INO80D: variants seen among roughly 807,000 people sequenced by gnomAD.
INO80D encodes the protein INO80 complex subunit D.
In INO80D, 21 loss-of-function variants were observed where a neutral mutation model predicts 87.6. The observed-to-expected ratio is 0.24, with a 90% CI of 0.17 to 0.35. The LOEUF is 0.35. INO80D is among the 10% of genes least tolerant of loss of function. The probability of loss-of-function intolerance (pLI) is 1.00; values close to 1 mark genes in which losing one functional copy is unlikely to be tolerated. For synonymous variants in INO80D, 440 were observed against 491.0 expected, an observed-to-expected ratio of 0.90 and a Z score of 1.37; for missense variants, 982 against 1,280.7, an observed-to-expected ratio of 0.77 and a Z score of 3.56.
chr2:206,067,382 C>A (rs904633346), intron 1 of INO80D, among the ~76,000 whole-genome samples: 5 of 151,880 alleles, frequency 3.3e-5, no homozygotes, highest in African/African-American at 4.8e-5. Context: ...GAGGAATAAG[C>A]CCTAGTGTTC....
At chr2:206,026,223 T>G (rs1688612134) in intron 6 of INO80D, among the ~76,000 whole-genome samples, 1 of 152,008 alleles carries the variant, frequency 6.6e-6, no homozygotes, top group Admixed American at 6.6e-5. Context: ...TAAAATTCAA[T>G]TTAGTGCTTT....
intron 1 of INO80D, among the ~76,000 whole-genome samples, chr2:206,083,504 A>G (rs1395772495): frequency 6.6e-6 from 1 of 152,234 alleles, no homozygotes; most frequent in East Asian, 1.9e-4. Flanking sequence ...CAACCATTAA[A>G]TGTAATTTGC....
chr2:206,000,569 A>C lies in INO80D; in HGVS notation c.*3799T>G, dbSNP rs1575784027. 6.6e-6 allele frequency: 1 copy of C among 152,116 alleles called. No individual in the cohort carries two copies. The highest frequency in any genetic ancestry group is 1.5e-5 in the Non-Finnish European group (1 of 68,034). The allele number at this position is 152,116 out of a possible 1,614,324, so 9.4% of individuals were successfully genotyped here. On this transcript the variant is annotated 3_prime_UTR_variant, in exon 11 of 11. Coordinates refer to ENST00000403263, the MANE Select transcript of INO80D (RefSeq NM_017759.5). ...CCGTATGGACAGGGCACCTCTGTGC[A>C]TCCCAAACATGGTTTCCTTCCTAAT...
At chr2:206,009,521 T>C in intron 9 of INO80D, 56 bp downstream of exon 9, 1 of 1,414,780 alleles carries the variant, frequency 7.1e-7, no homozygotes, top group South Asian at 1.3e-5. Context: ...AAGCTAGATG[T>C]TCTGAGAAGA....
intron 1 of INO80D, among the ~76,000 whole-genome samples, chr2:206,082,651 AC>A (rs1414032247): frequency 6.6e-6 from 1 of 152,164 alleles, no homozygotes; most frequent in Non-Finnish European, 1.5e-5. Context: ...TTTACCAGTT[AC>A]CAGGTGTGGG....
chr2:206,029,874 A>G (rs1688714063), intron 5 of INO80D, among the ~76,000 whole-genome samples: 1 of 152,260 alleles, frequency 6.6e-6, no homozygotes, highest in East Asian at 1.9e-4. Flanking sequence ...GAATAAAAAC[A>G]GTAACAAAAA....
chr2:206,027,152 A>AGG (rs879297053), intron 6 of INO80D, among the ~76,000 whole-genome samples: 1 of 90,116 alleles, frequency 1.1e-5, no homozygotes, highest in African/African-American at 3.5e-5. Context: ...GCACGCGCGC[A>AGG]CGCGCACACA....
Position 206,030,078 on chromosome 2 carries a change from G to A in INO80D, c.1074-1743C>T, listed in dbSNP as rs149071591. On this transcript the variant is annotated intron_variant, in intron 5 of 10. Coordinates refer to ENST00000403263, the MANE Select transcript of INO80D (RefSeq NM_017759.5). ...AGCAGGTCTACACTTGGGAGTTCTC[G>A]TAGAGCTAGCAAATGTGATAAATAT... Among the ~76,000 whole-genome samples, 991 of 152,260 alleles carry A rather than the reference G, an allele frequency of 6.5e-3. 11 individuals are homozygous for A. The highest frequency in any genetic ancestry group is 0.023 in the African/African-American group (938 of 41,546).
chr2:206,005,599 C>T, intron 10 of INO80D, 66 bp from the exon 11 acceptor site: 1 of 1,209,266 alleles, frequency 8.3e-7, no homozygotes, highest in Admixed American at 2.4e-5. Context: ...AAAAATCACA[C>T]ATTTGAATTA....
chr2:206,004,011 TGGAAA>T lies in INO80D; in HGVS notation c.*352_*356del. On this transcript the variant is annotated 3_prime_UTR_variant, in exon 11 of 11. Coordinates refer to ENST00000403263, the MANE Select transcript of INO80D (RefSeq NM_017759.5). The surrounding 1 kb of genome is among the most constrained non-coding windows in gnomAD (Gnocchi z 4.9). ...CCTATGTAAAAACCTGGCAACAGAA[TGGAAA>T]GCACTGATCTGAATACTAGGAAATA... is the stretch of plus-strand genomic sequence containing the variant. The T allele has an allele frequency of 7.9e-6, 2 of 254,572 alleles. No homozygotes were observed. The highest frequency in any genetic ancestry group is 7.7e-6 in the Non-Finnish European group (1 of 130,486). The allele number at this position is 254,572 out of a possible 1,614,324, so 15.8% of individuals were successfully genotyped here. A position where few individuals can be genotyped will look rare whatever the true frequency, so the allele number is the denominator to read the frequency against.
intron 5 of INO80D, among the ~76,000 whole-genome samples, chr2:206,042,613 G>A (rs940172924): frequency 8.6e-5 from 13 of 151,106 alleles, no homozygotes; most frequent in Admixed American, 4.6e-4. Flanking sequence ...CTCGGGGGGC[G>A]GAGGTTGCAG....
rs1168472230 is a variant in INO80D, at chr2:205,999,015, A to G, written c.*5353T>C. On this transcript the variant is annotated 3_prime_UTR_variant, in exon 11 of 11. Coordinates refer to ENST00000403263, the MANE Select transcript of INO80D (RefSeq NM_017759.5). ...ATCCACTGGAGCCAACTGTACCTTAATGATGCAGGTTGGAGTCATTTTAGG... is the reference window on the plus strand; with the variant it reads ...ATCCACTGGAGCCAACTGTACCTTAGTGATGCAGGTTGGAGTCATTTTAGG... The G allele has an allele frequency of 1.3e-5, 2 of 152,164 alleles. No homozygotes were observed. Among genetic ancestry groups the G allele is most frequent in the African/African-American group, 4.8e-5 (2 of 41,426 alleles). 9.4% of individuals were successfully genotyped at this position (152,164 alleles called of 1,614,324 possible).
intron 5 of INO80D, among the ~76,000 whole-genome samples, chr2:206,037,343 TTAATTTACTTTA>T (rs1197289596): frequency 6.6e-6 from 1 of 152,180 alleles, no homozygotes; most frequent in East Asian, 1.9e-4. Context: ...GAAATTCATT[TTAATTTACTTTA>T]TTAAGACAAC....
Position 206,005,366 on chromosome 2 carries a change from C to G in INO80D, c.2086G>C (p.Gly696Arg). Reference sequence around the variant, plus strand: ...GATTGTATTCCTGAAGCTCCAGTACCTGTGGAGAACACCCCTATTCCTCTA... The same window carrying G: ...GATTGTATTCCTGAAGCTCCAGTACGTGTGGAGAACACCCCTATTCCTCTA... Reference protein sequence around the residue: ...SDRGIGVFSTGTGASGIQSLS... With the variant: ...SDRGIGVFSTRTGASGIQSLS... Residue 696 changes from glycine (G) to arginine (R), a missense_variant, in exon 11 of 11, where the codon GGT becomes CGT. By Grantham distance (125) the Gly-to-Arg change is moderately radical. Coordinates refer to ENST00000403263, the MANE Select transcript of INO80D (RefSeq NM_017759.5). 6.2e-7 allele frequency: 1 copy of G among 1,613,998 alleles called. No individual in the cohort carries two copies. The highest frequency in any genetic ancestry group is 8.5e-7 in the Non-Finnish European group (1 of 1,179,902).
chr2:206,073,378 C>T (rs1690025389), intron 1 of INO80D, among the ~76,000 whole-genome samples: 1 of 152,312 alleles, frequency 6.6e-6, no homozygotes. Flanking sequence ...GTTCACATCA[C>T]TTTCACTCTT....
chr2:206,028,515 T>G (rs966741716), intron 5 of INO80D, among the ~76,000 whole-genome samples, 180 bp from the exon 6 acceptor site: 2 of 152,214 alleles, frequency 1.3e-5, no homozygotes, highest in African/African-American at 4.8e-5. Context: ...AAGTACAGTA[T>G]TTCAACAGTA....
chr2:206,004,037 A>C lies in INO80D; in HGVS notation c.*331T>G. 1 of 335,822 alleles carries C rather than the reference A, an allele frequency of 3.0e-6. No individual in the cohort carries two copies. Among genetic ancestry groups the C allele is most frequent in the Non-Finnish European group, 5.6e-6 (1 of 178,328 alleles). The allele number at this position is 335,822 out of a possible 1,614,324, so 20.8% of individuals were successfully genotyped here. A position where few individuals can be genotyped will look rare whatever the true frequency, so the allele number is the denominator to read the frequency against. On this transcript the variant is annotated 3_prime_UTR_variant, in exon 11 of 11. Transcript: ENST00000403263. This position sits in a 1 kb window ranked among gnomAD's most constrained non-coding sequence, Gnocchi z 4.9. ...GGAAAGCACTGATCTGAATACTAGGAAATAGTAAAGGGCACTGGTATTCTG... is the reference window on the plus strand; with the variant it reads ...GGAAAGCACTGATCTGAATACTAGGCAATAGTAAAGGGCACTGGTATTCTG...
In INO80D at chr2:206,004,677, C is replaced by G. The variant is rs368118451; in HGVS notation, c.2775G>C (p.Ser925=). ...AGGCAGGCTGTGTGGTCTCTGAGTT[C>G]GAAGTGGTGGGTGGCGTGGATAGGG... ...STSLSTPPTT[S]NSETTQPAFA... is the part of the protein sequence containing the mutation. Residue 925 remains serine, a synonymous_variant, in exon 11 of 11, where the codon TCG becomes TCC. Coordinates refer to ENST00000403263, the MANE Select transcript of INO80D (RefSeq NM_017759.5). The surrounding 1 kb of genome is among the most constrained non-coding windows in gnomAD (Gnocchi z 4.9). 2 of 1,613,642 alleles carry G rather than the reference C, an allele frequency of 1.2e-6. No individual in the cohort carries two copies. The highest frequency in any genetic ancestry group is 1.7e-6 in the Non-Finnish European group (2 of 1,179,818).
intron 1 of INO80D, among the ~76,000 whole-genome samples, chr2:206,064,359 G>A (rs562242302): frequency 2.3e-4 from 35 of 152,242 alleles, no homozygotes; most frequent in African/African-American, 8.4e-4. Context: ...TGAGCTGATG[G>A]AGTCTCACCC....
Sources: gnomAD v4.1 joint callset for allele counts (sites outside exome capture counted in the v4.1 genomes callset) on GRCh38, gnomAD v4.1.1 for gene constraint, Gnocchi (gnomAD v3.1) non-coding constraint, MANE v1.5 for transcripts, NCBI Gene and HGNC (gene_info 2026-07-23, HGNC 2026-07-21) for gene names.